Variants in UCHL3 observed in about 807,000 individuals in gnomAD.
UCHL3 encodes the protein ubiquitin C-terminal hydrolase L3.
Under a neutral mutation model 35.8 loss-of-function variants are expected in UCHL3, and 22 were observed. The ratio of observed to expected loss-of-function variants is 0.61; its 90% confidence interval spans 0.44 to 0.88. UCHL3 has a LOEUF of 0.88. Among genes scored for constraint, UCHL3 ranks in the 40% least tolerant of loss-of-function variants. The pLI is 0.00. For missense variants in UCHL3, 229 were observed against 276.9 expected (o/e 0.83, Z 1.23); for synonymous variants, 90 against 92.8 (o/e 0.97, Z 0.17).
chr13:75,594,839 G>A (rs941725630), intron 6 of UCHL3, 76 bp from the exon 7 acceptor site: 60 of 999,852 alleles, frequency 6.0e-5, no homozygotes, highest in Admixed American at 2.5e-5. Flanking sequence ...GATGTTATTT[G>A]TATGTGTTTA....
At chr13:75,592,419 T>TATATATATGTATATACATATATAC (rs2032503864) in intron 6 of UCHL3, among the ~76,000 whole-genome samples, 11 of 42,240 alleles carry the variant, frequency 2.6e-4, no homozygotes, top group African/African-American at 1.1e-3. Context: ...TTCCTTCATA[T>TATATATATGTATATACATATATAC]ATATATATAT....
At chr13:75,561,822 TATACGTACGTATATAC>T (rs2031517293) in intron 3 of UCHL3, among the ~76,000 whole-genome samples, 2 of 73,958 alleles carry the variant, frequency 2.7e-5, no homozygotes, top group African/African-American at 7.1e-5. Context: ...CGTATACGTA[TATACGTACGTATATAC>T]GTATACGTAT....
chr13:75,551,273 A>G (rs1306834321), intron 2 of UCHL3, among the ~76,000 whole-genome samples: 1 of 152,096 alleles, frequency 6.6e-6, no homozygotes, highest in Non-Finnish European at 1.5e-5. Flanking sequence ...TCTGCTAAAA[A>G]TACAAAAATT....
At chr13:75,561,555 T>TATAC (rs2031495809) in intron 3 of UCHL3, among the ~76,000 whole-genome samples, 1 of 151,724 alleles carries the variant, frequency 6.6e-6, no homozygotes, top group African/African-American at 2.4e-5. Flanking sequence ...TATATATATA[T>TATAC]AAGGAATCTT....
chr13:75,565,980 T>C (rs955763259), intron 3 of UCHL3, among the ~76,000 whole-genome samples: 2 of 152,240 alleles, frequency 1.3e-5, no homozygotes, highest in Non-Finnish European at 2.9e-5. Context: ...TACAACCAGT[T>C]ATTATAGATA....
intron 2 of UCHL3, among the ~76,000 whole-genome samples, chr13:75,557,961 A>AT (rs201586247): frequency 0.039 from 5,450 of 140,254 alleles, 149 homozygotes; most frequent in African/African-American, 0.066. Flanking sequence ...CATTTTAATG[A>AT]TTTTTTTTTT....
At chr13:75,590,464 T>G (rs189881119) in intron 6 of UCHL3, among the ~76,000 whole-genome samples, 1 of 152,318 alleles carries the variant, frequency 6.6e-6, no homozygotes, top group Admixed American at 6.5e-5. Context: ...TCTGAATTCA[T>G]TTAGTTGACT....
At position 75,575,821 on chromosome 13, in the gene UCHL3, G is replaced by A. The variant is rs942573278; in HGVS notation, c.474+6314G>A. Among the ~76,000 whole-genome samples the A allele has an allele frequency of 3.3e-5, 5 of 151,464 alleles. No individual in the cohort carries two copies. The East Asian group carries it at 7.8e-4, about 24-fold the overall frequency. On this transcript the variant is annotated intron_variant, in intron 6 of 8. Coordinates refer to ENST00000377595, the MANE Select transcript of UCHL3 (RefSeq NM_006002.5). ...GGCTGGAGTGCAGTGGCATGATCTC[G>A]GCTCACTGCAACCTCTGCCTCCCTG... is the stretch of plus-strand genomic sequence containing the variant.
At chr13:75,597,455 A>G (rs190233621) in intron 7 of UCHL3, among the ~76,000 whole-genome samples, 1 of 152,348 alleles carries the variant, frequency 6.6e-6, no homozygotes, top group East Asian at 1.9e-4. Context: ...GGGTTCTTGC[A>G]TTGGTAGATT....
At chr13:75,600,204 C>T (rs1046908002) in intron 7 of UCHL3, among the ~76,000 whole-genome samples, 8 of 152,332 alleles carry the variant, frequency 5.3e-5, no homozygotes, top group African/African-American at 1.9e-4. Context: ...AAGTCATCTC[C>T]ATAACATAAA....
rs765365269 is a variant in UCHL3, at chr13:75,605,698, G to A, written c.610-31G>A. 78 of 1,602,756 alleles carry A rather than the reference G, an allele frequency of 4.9e-5. No homozygotes were observed. The African/African-American group carries it at 9.9e-4, about 20-fold the overall frequency. ...TTTGTAAGTAAAACACTTTTACACTGAAAAATCATACTTTTTTTTTTCCTC... is the reference window on the plus strand; with the variant it reads ...TTTGTAAGTAAAACACTTTTACACTAAAAAATCATACTTTTTTTTTTCCTC... On this transcript the variant is annotated intron_variant, in intron 8 of 8. Transcript: ENST00000377595.
At chr13:75,565,260 C>A (rs1593727405) in intron 3 of UCHL3, among the ~76,000 whole-genome samples, 1 of 152,178 alleles carries the variant, frequency 6.6e-6, no homozygotes, top group Non-Finnish European at 1.5e-5. Context: ...AGCTGTAGAA[C>A]TGTAAACTTT....
intron 6 of UCHL3, among the ~76,000 whole-genome samples, chr13:75,581,108 T>A (rs2032169114): frequency 6.6e-6 from 1 of 152,188 alleles, no homozygotes; most frequent in South Asian, 2.1e-4. Flanking sequence ...CACAGTCTTT[T>A]GGTAATCATG....
At chr13:75,563,643 T>C (rs1194433435) in intron 3 of UCHL3, among the ~76,000 whole-genome samples, 2 of 152,222 alleles carry the variant, frequency 1.3e-5, no homozygotes, top group African/African-American at 4.8e-5. Context: ...TAAAATCTTA[T>C]TTAACAAAAA....
upstream of UCHL3, chr13:75,549,645 C>T (rs1320576731): frequency 2.1e-5 from 12 of 567,688 alleles, no homozygotes; most frequent in Non-Finnish European, 3.4e-5. Flanking sequence ...ACTTGACCTA[C>T]GGCCCTGCAC....
intron 2 of UCHL3, among the ~76,000 whole-genome samples, chr13:75,560,336 T>C (rs765982724): frequency 1.2e-4 from 19 of 152,194 alleles, no homozygotes; most frequent in Non-Finnish European, 1.5e-4. Flanking sequence ...TTATATGTAT[T>C]TGATGAAGTC....
intron 6 of UCHL3, among the ~76,000 whole-genome samples, chr13:75,572,481 C>T (rs1044664311): frequency 2.6e-5 from 4 of 152,220 alleles, no homozygotes; most frequent in Admixed American, 2.0e-4. Context: ...GAACCAATGG[C>T]GCCTTAGTGT....
chr13:75,590,143 A>G (rs2032441776), intron 6 of UCHL3: 6 of 1,293,914 alleles, frequency 4.6e-6, no homozygotes, highest in Non-Finnish European at 6.1e-6. Flanking sequence ...AGTTTAGTCA[A>G]TCTTCCGTCT....
intron 6 of UCHL3, among the ~76,000 whole-genome samples, chr13:75,589,113 C>T (rs1219106074): frequency 6.6e-6 from 1 of 152,050 alleles, no homozygotes; most frequent in African/African-American, 2.4e-5. Context: ...GGGTTTACAC[C>T]ACAGTGATTA....
Sources: gnomAD v4.1 joint callset for allele counts (sites outside exome capture counted in the v4.1 genomes callset) on GRCh38, gnomAD v4.1.1 for gene constraint, MANE v1.5 for transcripts, NCBI Gene and HGNC (gene_info 2026-07-23, HGNC 2026-07-21) for gene names.